PPRC1: variants seen among roughly 807,000 people sequenced by gnomAD.
The protein encoded by PPRC1 is PPARG related coactivator 1, also known as peroxisome proliferator-activated receptor gamma coactivator-related protein 1.
In PPRC1, 23 loss-of-function variants were observed where a neutral mutation model predicts 132.5. The ratio of observed to expected loss-of-function variants is 0.17; its 90% CI spans 0.12 to 0.25. The LOEUF is 0.25. Among genes scored for constraint, PPRC1 ranks in the 10% least tolerant of loss-of-function variants. The pLI is 1.00. For missense variants in PPRC1, 2,006 were observed against 2,089.1 expected (o/e 0.96, Z 0.78); for synonymous variants, 872 against 833.5 (o/e 1.05, Z -0.80).
At chr10:102,135,802 C>T (rs773623865) in intron 1 of PPRC1, among the ~76,000 whole-genome samples, 6 of 152,172 alleles carry the variant, frequency 3.9e-5, no homozygotes, top group African/African-American at 7.2e-5. Flanking sequence ...TGTTTTTGAA[C>T]CCTGGAGGGA....
intron 6 of PPRC1, among the ~76,000 whole-genome samples, chr10:102,143,796 C>G (rs925684045): frequency 3.3e-5 from 5 of 152,162 alleles, no homozygotes; most frequent in African/African-American, 1.2e-4. Context: ...GGATAGCTGG[C>G]TTTCTTAGTA....
At position 102,148,894 on chromosome 10, in the gene PPRC1, T is replaced by G. The variant is rs781016346; in HGVS notation, c.4695T>G (p.Val1565=). ...TRSELKQRFS[V]FGEIEECTIH... Reference sequence around the variant, plus strand: ...CAGAGCTGAAACAGAGGTTCTCCGTTTTTGGAGAGATTGAGGAGTGCACCA... The same window carrying G: ...CAGAGCTGAAACAGAGGTTCTCCGTGTTTGGAGAGATTGAGGAGTGCACCA... Residue 1565 remains valine, a synonymous_variant, in exon 12 of 14, where the codon GTT becomes GTG. Coordinates refer to ENST00000278070, the MANE Select transcript of PPRC1 (RefSeq NM_015062.5). The surrounding 1 kb of genome is among the most constrained non-coding windows in gnomAD (Gnocchi z 4.2). The G allele has an allele frequency of 6.2e-7, 1 of 1,614,168 alleles. No individual in the cohort carries two copies. Among genetic ancestry groups the G allele is most frequent in the East Asian group, 2.2e-5 (1 of 44,892 alleles).
Position 102,139,394 on chromosome 10 carries a change from G to A in PPRC1, c.886G>A (p.Ala296Thr). ...KATAAEMAVP[A>T]AGDESISSLS... is the part of the protein sequence containing the mutation. ...AACAGCAGCAGAGATGGCAGTGCCAGCAGCTGGTGATGAGAGCATCTCCTC... is the reference window on the plus strand; with the variant it reads ...AACAGCAGCAGAGATGGCAGTGCCAACAGCTGGTGATGAGAGCATCTCCTC... Residue 296 changes from alanine to threonine, a missense_variant, in exon 5 of 14, where the codon GCA (alanine) becomes ACA (threonine). Coordinates refer to ENST00000278070, the MANE Select transcript of PPRC1 (RefSeq NM_015062.5). The A allele has an allele frequency of 3.7e-6, 6 of 1,614,258 alleles. No homozygotes were observed. The highest frequency in any genetic ancestry group is 4.2e-6 in the Non-Finnish European group (5 of 1,180,042).
intron 1 of PPRC1, among the ~76,000 whole-genome samples, chr10:102,137,206 G>T (rs2068759105): frequency 6.6e-6 from 1 of 152,172 alleles, no homozygotes; most frequent in South Asian, 2.1e-4. Context: ...GGGCGTGGTG[G>T]TGGGCGCCTA....
chr10:102,148,516 G>A lies in PPRC1; in HGVS notation c.4545G>A (p.Arg1515=). The A allele has an allele frequency of 6.2e-7, 1 of 1,613,380 alleles. No homozygotes were observed. The highest frequency in any genetic ancestry group is 8.5e-7 in the Non-Finnish European group (1 of 1,179,276). ...CCCCCCGCCGGAGAAGTGACAGGAG[G>A]CGGCGGTGAGCATGTGTTCAGGGAG... The part of the protein sequence containing the change: ...SPSPRRRSDR[R]RRYSSYRSHD... The change falls in exon 10 of 14, where the codon AGG becomes AGA. Residue 1515 remains arginine, a synonymous_variant. Coordinates refer to ENST00000278070, the MANE Select transcript of PPRC1 (RefSeq NM_015062.5). The surrounding 1 kb of genome is among the most constrained non-coding windows in gnomAD (Gnocchi z 4.2).
intron 2 of PPRC1, 64 bp from the exon 3 acceptor site, chr10:102,138,555 C>G (rs2068808371): frequency 6.4e-7 from 1 of 1,573,260 alleles, no homozygotes; most frequent in Non-Finnish European, 8.7e-7. Flanking sequence ...GATATCCAGT[C>G]CTTAGTGGCA....
At chr10:102,144,368 C>A in intron 7 of PPRC1, 61 bp downstream of exon 7, 1 of 1,515,472 alleles carries the variant, frequency 6.6e-7, no homozygotes, top group South Asian at 1.1e-5. Flanking sequence ...GGCTGACACT[C>A]CAGGACTGTC....
In PPRC1 at chr10:102,140,275, T is replaced by G; in HGVS notation, c.1767T>G (p.Ser589=). ...AAGCCAGCCCCATGCCAGTTGACTC[T>G]GTTGAAGCTGATCCCACTGCAGTTG... ...SAQASPMPVD[S]VEADPTAVGP... The change falls in exon 5 of 14, where the codon TCT becomes TCG. Residue 589 remains serine, a synonymous_variant. Transcript: ENST00000278070. 6.2e-7 allele frequency: 1 copy of G among 1,614,214 alleles called. No homozygotes were observed. Among genetic ancestry groups the G allele is most frequent in the Non-Finnish European group, 8.5e-7 (1 of 1,180,036 alleles).
chr10:102,132,892 C>G, upstream of PPRC1: 1 of 953,076 alleles, frequency 1.0e-6, no homozygotes, highest in Admixed American at 4.3e-5. Context: ...ACTACTACTC[C>G]CAGGAACCTT....
chr10:102,131,429 A>G (rs574640463), upstream of PPRC1, among the ~76,000 whole-genome samples: 3 of 152,168 alleles, frequency 2.0e-5, no homozygotes, highest in East Asian at 5.8e-4. Flanking sequence ...AAAGGTCCAG[A>G]AAAGGTCCTC....
chr10:102,148,646 A>G lies in PPRC1; in HGVS notation c.4569A>G (p.Ser1523=). 6.2e-7 allele frequency: 1 copy of G among 1,614,206 alleles called. No individual in the cohort carries two copies. Among genetic ancestry groups the G allele is most frequent in the Non-Finnish European group, 8.5e-7 (1 of 1,180,038 alleles). ...TTGTCAGGTACAGCTCTTATCGTTC[A>G]CATGACCATTACCAAAGGCAAAGAG... is the stretch of plus-strand genomic sequence containing the variant. ...DRRRRYSSYR[S]HDHYQRQRVL... Residue 1523 remains serine, a synonymous_variant, in exon 11 of 14, where the codon TCA becomes TCG. Transcript: ENST00000278070. The surrounding 1 kb of genome is among the most constrained non-coding windows in gnomAD (Gnocchi z 4.2).
chr10:102,129,056 C>A (rs1464034630), upstream of PPRC1, among the ~76,000 whole-genome samples: 4 of 148,424 alleles, frequency 2.7e-5, no homozygotes, highest in Middle Eastern at 3.4e-3. Flanking sequence ...CAGCCTCCCG[C>A]GTAGCTGGGA....
chr10:102,120,624 G>A, the PPRC1 span, among the ~76,000 whole-genome samples: 1 of 152,172 alleles, frequency 6.6e-6, no homozygotes, highest in South Asian at 2.1e-4. Context: ...GGCGGGCGGC[G>A]AGGGGCTGGG....
Position 102,140,081 on chromosome 10 carries a change from G to C in PPRC1, c.1573G>C (p.Ala525Pro). Reference sequence around the variant, plus strand: ...GGGTAAGGGGAAGCCCCGGGCTTGGGCTCGGGCCTGGGCAGCTGCCTTGGA... The same window carrying C: ...GGGTAAGGGGAAGCCCCGGGCTTGGCCTCGGGCCTGGGCAGCTGCCTTGGA... ...LQGKGKPRAW[A>P]RAWAAALENS... is the part of the protein sequence containing the mutation. The change falls in exon 5 of 14, where the codon GCT (alanine) becomes CCT (proline). Residue 525 changes from alanine (A) to proline (P), a missense_variant. Ala to Pro is a conservative substitution (Grantham distance 27). Coordinates refer to ENST00000278070, the MANE Select transcript of PPRC1 (RefSeq NM_015062.5). The C allele has an allele frequency of 6.2e-7, 1 of 1,614,248 alleles. No individual in the cohort carries two copies.
At position 102,148,443 on chromosome 10, in the gene PPRC1, C is replaced by A; in HGVS notation, c.4472C>A (p.Ser1491Tyr). ...TCTTCGTCATCATCTTCCTCTTCGT[C>A]TTCCTCATCCTCATCATCCAGTTCT... ...SSSSSSSSSSSSSSSSSSSRS... is the reference protein window; with the variant it reads ...SSSSSSSSSSYSSSSSSSSRS... Residue 1491 changes from serine (S) to tyrosine (Y), a missense_variant, in exon 10 of 14, where the codon TCT becomes TAT. This residue lies in a region of PPRC1 where 1,914 missense variants were observed against 1,917.2 expected (regional missense o/e 1.00). Transcript: ENST00000278070. The surrounding 1 kb of genome is among the most constrained non-coding windows in gnomAD (Gnocchi z 4.2). 1 of 1,611,430 alleles carries A rather than the reference C, an allele frequency of 6.2e-7. No individual in the cohort carries two copies. The highest frequency in any genetic ancestry group is 1.7e-4 in the Middle Eastern group (1 of 6,030).
intron 6 of PPRC1, among the ~76,000 whole-genome samples, chr10:102,143,553 C>T (rs373464008): frequency 6.1e-5 from 9 of 146,478 alleles, no homozygotes; most frequent in African/African-American, 2.0e-4. Flanking sequence ...GAGCCGAGAT[C>T]GTGCCATTGC....
chr10:102,119,995 C>T, the PPRC1 span: 2 of 1,031,832 alleles, frequency 1.9e-6, no homozygotes. Flanking sequence ...GCCATCGACG[C>T]CCCCCACACA....
At chr10:102,123,719 A>G in the PPRC1 span, among the ~76,000 whole-genome samples, 1 of 150,354 alleles carries the variant, frequency 6.7e-6, no homozygotes, top group Non-Finnish European at 1.5e-5. Flanking sequence ...TTTTTAGTAG[A>G]GACAGGGTTT....
At chr10:102,124,592 C>T in the PPRC1 span, among the ~76,000 whole-genome samples, 22 of 150,090 alleles carry the variant, frequency 1.5e-4, no homozygotes, top group East Asian at 7.8e-4. Context: ...TCACCCGCCT[C>T]GGCCTCCCAA....
Sources: allele counts gnomAD v4.1 joint callset (sites outside exome capture counted in the v4.1 genomes callset), GRCh38; gene constraint gnomAD v4.1.1; regional missense constraint gnomAD v4.1.1; non-coding constraint Gnocchi (gnomAD v3.1); transcripts MANE v1.5; gene names NCBI Gene and HGNC (gene_info 2026-07-23, HGNC 2026-07-21).